AK9: variants seen among roughly 807,000 people sequenced by gnomAD.
AK9 encodes the protein adenylate kinase 9, also known as adenylate kinase domain containing 1.
Under a neutral mutation model 239.6 loss-of-function variants are expected in AK9, and 191 were observed. The observed-to-expected ratio is 0.80, with a 90% CI of 0.71 to 0.90. The LOEUF is 0.90. Ranked by LOEUF, AK9 falls within the 40% of genes least tolerant of loss-of-function variation. The pLI is 0.00. For missense variants in AK9, 1,995 were observed against 2,214.7 expected, an observed-to-expected ratio of 0.90 and a Z score of 1.99; for synonymous variants, 689 against 721.0, an observed-to-expected ratio of 0.96 and a Z score of 0.71.
intron 29 of AK9, among the ~76,000 whole-genome samples, chr6:109,518,409 T>G (rs888306214): frequency 6.6e-6 from 1 of 152,148 alleles, no homozygotes; most frequent in Non-Finnish European, 1.5e-5. Flanking sequence ...AGGTCTACAC[T>G]ACAAGCTGGG....
intron 10 of AK9, among the ~76,000 whole-genome samples, chr6:109,634,646 G>C (rs78941670): frequency 0.089 from 13,570 of 152,258 alleles, 804 homozygotes; most frequent in Middle Eastern, 0.17. Flanking sequence ...TCCCAAGTGA[G>C]AGCTGGAAGT....
Position 109,614,316 on chromosome 6 carries a change from T to G in AK9, c.1496-20A>C. On this transcript the variant is annotated intron_variant, in intron 14 of 40. Coordinates refer to ENST00000424296, the MANE Select transcript of AK9 (RefSeq NM_001145128.3). ...TGTACCCTGCAATGAAAGAATAATATACTTTATCAGCTAATCTATTTATAT... is the reference window on the plus strand; with the variant it reads ...TGTACCCTGCAATGAAAGAATAATAGACTTTATCAGCTAATCTATTTATAT... 6.5e-7 allele frequency: 1 copy of G among 1,549,096 alleles called. No individual in the cohort carries two copies. Among genetic ancestry groups the G allele is most frequent in the East Asian group, 2.4e-5 (1 of 40,880 alleles).
rs1447798215 is a variant in AK9 at position 109,659,431 on chromosome 6, T to C, written c.445-18A>G. The stretch of plus-strand genomic sequence containing the variant: ...TCAGGACACTAAGAAACAACATTAT[T>C]AAATCACTTAAAACATTTTGAATAT... On this transcript the variant is annotated intron_variant, in intron 6 of 40. Coordinates refer to ENST00000424296, the MANE Select transcript of AK9 (RefSeq NM_001145128.3). The C allele has an allele frequency of 1.9e-6, 3 of 1,581,230 alleles. No individual in the cohort carries two copies. Among genetic ancestry groups the C allele is most frequent in the East Asian group, 4.5e-5 (2 of 44,638 alleles).
intron 8 of AK9, among the ~76,000 whole-genome samples, chr6:109,655,172 TG>T (rs1799511293): frequency 6.6e-6 from 1 of 152,234 alleles, no homozygotes; most frequent in Non-Finnish European, 1.5e-5. Context: ...AATTCATATT[TG>T]GGGTATAAGA....
chr6:109,607,443 T>C (rs117276793), intron 17 of AK9, among the ~76,000 whole-genome samples: 3,459 of 152,276 alleles, frequency 0.023, 74 homozygotes, highest in Non-Finnish European at 0.034. Flanking sequence ...CTAAACAATA[T>C]AGTGTAAACA....
intron 18 of AK9, 125 bp downstream of exon 18, chr6:109,585,791 C>T: frequency 1.1e-6 from 1 of 893,932 alleles, no homozygotes; most frequent in South Asian, 2.0e-5. Flanking sequence ...CCTCTAGTTC[C>T]TGCAGGGATT....
chr6:109,601,733 T>G (rs536166235), intron 17 of AK9, among the ~76,000 whole-genome samples: 1 of 152,338 alleles, frequency 6.6e-6, no homozygotes, highest in East Asian at 1.9e-4. Context: ...TGTAGGTCTC[T>G]AAGGACTTGC....
chr6:109,535,889 C>G (rs889435796), intron 27 of AK9, among the ~76,000 whole-genome samples: 7 of 152,152 alleles, frequency 4.6e-5, no homozygotes, highest in African/African-American at 1.7e-4. Flanking sequence ...TTGTTTTTGT[C>G]AGGTTTTTCA....
At chr6:109,626,215 C>T (rs1472567380) in intron 12 of AK9, among the ~76,000 whole-genome samples, 1 of 126,442 alleles carries the variant, frequency 7.9e-6, no homozygotes, top group African/African-American at 2.6e-5. Flanking sequence ...AAGAGATTCT[C>T]TATTCTCTTA....
chr6:109,621,874 C>A, intron 12 of AK9, among the ~76,000 whole-genome samples: 1 of 104,138 alleles, frequency 9.6e-6, no homozygotes, highest in Non-Finnish European at 1.8e-5. Flanking sequence ...CACATGTACC[C>A]TAAAACTTAA....
At chr6:109,533,559 G>A in intron 27 of AK9, 89 bp from the exon 28 acceptor site, 1 of 1,052,060 alleles carries the variant, frequency 9.5e-7, no homozygotes, top group Non-Finnish European at 1.3e-6. Context: ...CATTATACAA[G>A]GTATATTAAG....
intron 20 of AK9, among the ~76,000 whole-genome samples, chr6:109,578,080 C>T (rs558580961): frequency 1.6e-4 from 24 of 151,652 alleles, no homozygotes; most frequent in Admixed American, 2.6e-4. Flanking sequence ...TACAGGCGTG[C>T]ACCACCACGC....
Position 109,493,481 on chromosome 6 carries a change from A to G in AK9, c.5624T>C (p.Leu1875Ser), listed in dbSNP as rs1276507584. ...FMESCELITYLGAKMTRKYKE... is the reference protein window; with the variant it reads ...FMESCELITYSGAKMTRKYKE... ...GTATTTTCTGGTCATCTTGGCACCC[A>G]AGTATGTTATGAGTTCACAACTCTC... The change falls in exon 41 of 41, where the codon TTG (leucine) becomes TCG (serine). Residue 1875 changes from leucine to serine, a missense_variant. Leu to Ser is a moderately radical substitution (Grantham distance 145). Transcript: ENST00000424296. 1.2e-6 allele frequency: 2 copies of G among 1,614,118 alleles called. No individual in the cohort carries two copies. Among genetic ancestry groups the G allele is most frequent in the Non-Finnish European group, 1.7e-6 (2 of 1,179,996 alleles).
intron 8 of AK9, among the ~76,000 whole-genome samples, chr6:109,648,915 T>A (rs1334398887): frequency 3.9e-5 from 6 of 152,194 alleles, no homozygotes; most frequent in Non-Finnish European, 7.3e-5. Context: ...GCTTCATCCC[T>A]GGGATGCAAG....
At chr6:109,558,969 A>C (rs915657691) in intron 24 of AK9, among the ~76,000 whole-genome samples, 3 of 151,066 alleles carry the variant, frequency 2.0e-5, no homozygotes, top group Non-Finnish European at 4.4e-5. Flanking sequence ...TTCGTGTCTC[A>C]GCATTGCCAG....
At chr6:109,657,269 A>G (rs9400312) in intron 7 of AK9, among the ~76,000 whole-genome samples, 88,526 of 151,942 alleles carry the variant, frequency 0.58, 27,483 homozygotes, top group East Asian at 0.84. Flanking sequence ...AAGGATTTGG[A>G]ATAGAACAGT....
At chr6:109,539,370 T>C (rs1200623126) in intron 27 of AK9, among the ~76,000 whole-genome samples, 1 of 152,242 alleles carries the variant, frequency 6.6e-6, no homozygotes, top group Non-Finnish European at 1.5e-5. Flanking sequence ...CAATCACTGA[T>C]ACCCTTTCTT....
intron 9 of AK9, among the ~76,000 whole-genome samples, chr6:109,644,340 T>C (rs1170804601): frequency 6.6e-6 from 1 of 152,264 alleles, no homozygotes; most frequent in Non-Finnish European, 1.5e-5. Context: ...TGACTAATGA[T>C]GTTCAGCATC....
At chr6:109,572,866 C>T (rs1002166170) in intron 21 of AK9, among the ~76,000 whole-genome samples, 1 of 152,120 alleles carries the variant, frequency 6.6e-6, no homozygotes, top group African/African-American at 2.4e-5. Flanking sequence ...ACTCTCTAGT[C>T]CTTGGAGTGG....
Sources: allele counts gnomAD v4.1 joint callset (sites outside exome capture counted in the v4.1 genomes callset), GRCh38; gene constraint gnomAD v4.1.1; transcripts MANE v1.5; gene names NCBI Gene and HGNC (gene_info 2026-07-23, HGNC 2026-07-21).